ATP2B4: variants seen among roughly 807,000 people sequenced by gnomAD.
ATP2B4 encodes plasma membrane calcium-transporting ATPase 4.
A neutral mutation model predicts 110.3 loss-of-function variants in ATP2B4; 39 were observed. The ratio of observed to expected loss-of-function variants is 0.35; its 90% CI spans 0.27 to 0.46. ATP2B4 has a LOEUF of 0.46. Ranked by LOEUF, ATP2B4 falls within the 20% of genes least tolerant of loss-of-function variation. The pLI, the probability that ATP2B4 is intolerant of heterozygous loss-of-function variation, is 1.00. For missense variants in ATP2B4, 1,135 were observed against 1,530.9 expected, an observed-to-expected ratio of 0.74 and a Z score of 4.32; for synonymous variants, 538 against 571.7, an observed-to-expected ratio of 0.94 and a Z score of 0.84.
chr1:203,639,890 C>T (rs1486201253), intron 1 of ATP2B4, among the ~76,000 whole-genome samples: 2 of 152,198 alleles, frequency 1.3e-5, no homozygotes, highest in African/African-American at 2.4e-5. Context: ...CCTCCAGTTC[C>T]TCCTCCAGTC....
intron 3 of ATP2B4, among the ~76,000 whole-genome samples, chr1:203,698,595 A>G (rs1306610948): frequency 6.6e-6 from 1 of 151,970 alleles, no homozygotes; most frequent in Non-Finnish European, 1.5e-5. Context: ...CTTTTTCGGA[A>G]TGTCAGGAAT....
At chr1:203,669,096 C>T (rs1429131824) in intron 1 of ATP2B4, among the ~76,000 whole-genome samples, 1 of 152,176 alleles carries the variant, frequency 6.6e-6, no homozygotes, top group Non-Finnish European at 1.5e-5. Flanking sequence ...ACCACCATCC[C>T]ACCATTCTTC....
intron 2 of ATP2B4, among the ~76,000 whole-genome samples, chr1:203,693,888 G>A (rs940381553): frequency 1.3e-5 from 2 of 152,186 alleles, no homozygotes; most frequent in African/African-American, 4.8e-5. Flanking sequence ...GGCAAACCAG[G>A]ACAAGTTAGT....
chr1:203,726,309 C>G (rs1323521970), intron 19 of ATP2B4, among the ~76,000 whole-genome samples: 4 of 152,064 alleles, frequency 2.6e-5, no homozygotes, highest in Non-Finnish European at 4.4e-5. Flanking sequence ...CTCAAGCAAT[C>G]CTCCTGCCTC....
At chr1:203,719,572 T>C (rs1385169903) in intron 15 of ATP2B4, among the ~76,000 whole-genome samples, 6 of 151,956 alleles carry the variant, frequency 3.9e-5, no homozygotes, top group Non-Finnish European at 8.8e-5. Flanking sequence ...TAGCCCGTCA[T>C]GGTGGTGCGT....
At position 203,723,457 on chromosome 1, in the gene ATP2B4, T is replaced by TCTCTCTCTCCCTCC. The variant is rs1407579331; in HGVS notation, c.3025-421_3025-420insTCTCTCCCTCCCTC. ...CTCTCTCTCTCTCTCTCTCTCTCTC[T>TCTCTCTCTCCCTCC]CTCCCTCTGCCTCTCTCTCTCTCTC... is the stretch of plus-strand genomic sequence containing the variant. On this transcript the variant is annotated intron_variant, in intron 18 of 20. Coordinates refer to ENST00000357681, the MANE Select transcript of ATP2B4 (RefSeq NM_001684.5). Among the ~76,000 whole-genome samples, 276 of 113,536 alleles carry TCTCTCTCTCCCTCC rather than the reference T, an allele frequency of 2.4e-3. 12 individuals are homozygous for TCTCTCTCTCCCTCC. The highest frequency in any genetic ancestry group is 8.8e-3 in the East Asian group (31 of 3,512). The allele number at this position is 113,536 out of a possible 152,430, so 74.5% of individuals were successfully genotyped here.
At chr1:203,693,807 C>G (rs754673756) in intron 2 of ATP2B4, among the ~76,000 whole-genome samples, 3 of 152,210 alleles carry the variant, frequency 2.0e-5, no homozygotes, top group Non-Finnish European at 1.5e-5. Flanking sequence ...GGCCAACCAT[C>G]CCGGTTTGCC....
At chr1:203,644,895 C>T (rs1289477391) in intron 1 of ATP2B4, among the ~76,000 whole-genome samples, 3 of 152,154 alleles carry the variant, frequency 2.0e-5, no homozygotes, top group South Asian at 2.1e-4. Context: ...CCTGCAGCCC[C>T]GCTCTGTATG....
At chr1:203,730,754 C>T (rs1446606784) in intron 20 of ATP2B4, among the ~76,000 whole-genome samples, 1 of 152,166 alleles carries the variant, frequency 6.6e-6, no homozygotes, top group East Asian at 1.9e-4. Flanking sequence ...ACTACCTTTC[C>T]GCATTGTTGG....
intron 15 of ATP2B4, among the ~76,000 whole-genome samples, chr1:203,719,239 A>AG (rs1291515442): frequency 1.4e-5 from 2 of 141,050 alleles, no homozygotes; most frequent in Non-Finnish European, 3.1e-5. Flanking sequence ...AAAAAAAAAA[A>AG]AAAAAAGCAA....
chr1:203,733,303 T>C (rs1359982379), intron 20 of ATP2B4: 3 of 1,614,140 alleles, frequency 1.9e-6, no homozygotes, highest in South Asian at 2.2e-5. Context: ...AACACCTTGA[T>C]GTAAAACTTG....
intron 1 of ATP2B4, among the ~76,000 whole-genome samples, chr1:203,672,324 CT>C (rs57144862): frequency 0.011 from 897 of 79,098 alleles, 3 homozygotes; most frequent in East Asian, 0.047. Flanking sequence ...TGCGGTGGCT[CT>C]TTTTTTTTTT....
intron 1 of ATP2B4, among the ~76,000 whole-genome samples, chr1:203,633,717 A>AATAAATAAATAC (rs1663347902): frequency 6.6e-6 from 1 of 150,544 alleles, no homozygotes; most frequent in South Asian, 2.1e-4. Context: ...ATATCAGATA[A>AATAAATAAATAC]ATAAATAAAT....
rs780659962 is a variant in ATP2B4, at chr1:203,743,552, C to T, written c.*3698C>T. On this transcript the variant is annotated 3_prime_UTR_variant, in exon 21 of 21. Transcript: ENST00000357681. ...AATTGGCCTTTGGTTCATGTTTTCT[C>T]CCCATATGTATATATGCCATATGTG... is the stretch of plus-strand genomic sequence containing the variant. 6.6e-6 allele frequency: 1 copy of T among 152,584 alleles called. No individual in the cohort carries two copies. The highest frequency in any genetic ancestry group is 2.4e-5 in the African/African-American group (1 of 41,416). 9.5% of individuals were successfully genotyped at this position (152,584 alleles called of 1,614,324 possible).
chr1:203,634,510 C>T (rs1425392092), intron 1 of ATP2B4, among the ~76,000 whole-genome samples: 6 of 152,014 alleles, frequency 3.9e-5, no homozygotes, highest in Admixed American at 3.9e-4. Context: ...TTTAAATTGA[C>T]CAGTTTGCAG....
intron 19 of ATP2B4, among the ~76,000 whole-genome samples, chr1:203,725,889 C>CTTTTG (rs1359670790): frequency 3.2e-4 from 38 of 117,644 alleles, no homozygotes; most frequent in Non-Finnish European, 6.9e-5. Context: ...ATTTCTTTTT[C>CTTTTG]TTTTCTTTTC....
In ATP2B4 at chr1:203,721,284, A is replaced by C; in HGVS notation, c.2686A>C (p.Thr896Pro). 1.2e-6 allele frequency: 2 copies of C among 1,614,238 alleles called. No individual in the cohort carries two copies. Among genetic ancestry groups the C allele is most frequent in the Non-Finnish European group, 1.7e-6 (2 of 1,180,024 alleles). ...ASLALATEPP[T>P]ESLLKRRPYG... The stretch of plus-strand genomic sequence containing the variant: ...ATTGGCCCTGGCCACAGAGCCCCCT[A>C]CGGAATCTCTGTTGAAGCGGCGCCC... Residue 896 changes from threonine (T) to proline (P), a missense_variant, in exon 17 of 21, where the codon ACG (threonine) becomes CCG (proline). Physicochemically the swap from Thr to Pro is conservative, Grantham distance 38 (BLOSUM62 -1). Around this residue, in one of 9 missense-constraint regions of ATP2B4, gnomAD observed 155 missense variants for 186.2 expected, o/e 0.83. Coordinates refer to ENST00000357681, the MANE Select transcript of ATP2B4 (RefSeq NM_001684.5).
intron 1 of ATP2B4, among the ~76,000 whole-genome samples, chr1:203,634,852 C>A (rs1295886863): frequency 1.3e-4 from 20 of 152,136 alleles, no homozygotes; most frequent in African/African-American, 4.8e-4. Context: ...TTTGTAGAGA[C>A]GGGGTTTCAC....
chr1:203,648,628 G>A (rs1025889742), intron 1 of ATP2B4, among the ~76,000 whole-genome samples: 2 of 152,198 alleles, frequency 1.3e-5, no homozygotes, highest in African/African-American at 2.4e-5. Context: ...CAGGATCCAG[G>A]GCCAGGACAT....
Sources: allele counts gnomAD v4.1 joint callset (sites outside exome capture counted in the v4.1 genomes callset), GRCh38; gene constraint gnomAD v4.1.1; regional missense constraint gnomAD v4.1.1; transcripts MANE v1.5; gene names NCBI Gene and HGNC (gene_info 2026-07-23, HGNC 2026-07-21).